COL14A1: variants seen among roughly 807,000 people sequenced by gnomAD.
The protein encoded by COL14A1 is collagen type XIV alpha 1 chain, also known as collagen alpha-1(XIV) chain.
A neutral mutation model predicts 230.3 loss-of-function variants in COL14A1; 136 were observed. The observed-to-expected ratio is 0.59, with a 90% CI of 0.51 to 0.68. The LOEUF (loss-of-function observed/expected upper bound fraction) is 0.68. COL14A1 is among the 30% of genes least tolerant of loss of function. COL14A1 has a pLI of 0.00. For missense variants in COL14A1, 1,976 were observed against 2,215.8 expected (o/e 0.89, Z 2.17); for synonymous variants, 792 against 784.1 (o/e 1.01, Z -0.17).
chr8:120,325,791 C>T (rs759050293), intron 40 of COL14A1, among the ~76,000 whole-genome samples: 2 of 152,140 alleles, frequency 1.3e-5, no homozygotes, highest in Non-Finnish European at 2.9e-5. Context: ...CTGCACCTGG[C>T]CACATGTTCT....
intron 13 of COL14A1, 28 bp from the exon 14 acceptor site, chr8:120,216,323 A>G (rs980417013): frequency 6.3e-7 from 1 of 1,579,336 alleles, no homozygotes; most frequent in African/African-American, 1.4e-5. Flanking sequence ...TGACATTTTA[A>G]TTATTTTCTA....
At chr8:120,305,435 G>T (rs1208488467) in intron 36 of COL14A1, among the ~76,000 whole-genome samples, 1 of 152,084 alleles carries the variant, frequency 6.6e-6, no homozygotes, top group Non-Finnish European at 1.5e-5. Context: ...TATGACCAAA[G>T]AAATAGCAAA....
Position 120,209,868 on chromosome 8 carries a change from T to G in COL14A1, c.1434T>G (p.Pro478=). 3 of 1,611,952 alleles carry G rather than the reference T, an allele frequency of 1.9e-6. No individual in the cohort carries two copies. Among genetic ancestry groups the G allele is most frequent in the Non-Finnish European group, 2.5e-6 (3 of 1,179,100 alleles). The change falls in exon 12 of 48, where the codon CCT becomes CCG. Residue 478 remains proline, a synonymous_variant. Transcript: ENST00000297848. The part of the protein sequence containing the change: ...GASGYLILYA[P]LTEGLAGDEK... Reference sequence around the variant, plus strand: ...CAGGTTACCTGATCCTTTATGCTCCTCTAACAGAGGGCCTGGCTGGGGATG... The same window carrying G: ...CAGGTTACCTGATCCTTTATGCTCCGCTAACAGAGGGCCTGGCTGGGGATG...
intron 42 of COL14A1, among the ~76,000 whole-genome samples, chr8:120,340,419 T>A (rs1167072724): frequency 6.6e-6 from 1 of 152,182 alleles, no homozygotes; most frequent in Non-Finnish European, 1.5e-5. Context: ...GGTCACTGAC[T>A]ACAGATTTTG....
At chr8:120,212,189 T>C (rs867341972) in intron 12 of COL14A1, among the ~76,000 whole-genome samples, 1 of 152,152 alleles carries the variant, frequency 6.6e-6, no homozygotes. Flanking sequence ...CTGGCTGGAG[T>C]TGCCATTTGT....
chr8:120,302,270 TTGTGATTGCTTTTGA>T (rs1399356248), intron 36 of COL14A1, among the ~76,000 whole-genome samples: 1 of 152,236 alleles, frequency 6.6e-6, no homozygotes, highest in African/African-American at 2.4e-5. Context: ...TTTGCTTTTG[TTGTGATTGCTTTTGA>T]TGTCTTCTTT....
chr8:120,263,169 C>A (rs145147024), intron 24 of COL14A1, among the ~76,000 whole-genome samples, 155 bp downstream of exon 24: 30 of 152,266 alleles, frequency 2.0e-4, no homozygotes, highest in African/African-American at 6.3e-4. Context: ...CCCCAGAATT[C>A]ATTGCATATG....
intron 12 of COL14A1, 122 bp downstream of exon 12, chr8:120,210,023 AAC>A (rs1817574571): frequency 1.3e-6 from 1 of 761,112 alleles, no homozygotes; most frequent in Non-Finnish European, 1.8e-6. Context: ...AAGAAAAAAA[AAC>A]ACTTATAATC....
At chr8:120,164,284 GA>G (rs1586729608) in intron 4 of COL14A1, among the ~76,000 whole-genome samples, 1 of 152,176 alleles carries the variant, frequency 6.6e-6, no homozygotes, top group East Asian at 1.9e-4. Flanking sequence ...ATTTCAAGTA[GA>G]TTTTTTTCTA....
Position 120,315,651 on chromosome 8 carries a change from G to A in COL14A1, c.4605+65G>A, listed in dbSNP as rs1447277204. On this transcript the variant is annotated intron_variant, in intron 39 of 47. Transcript: ENST00000297848. ...CAACTTTGCCAAGGGGGAAAAAAAA[G>A]CTGTAGCTTCTGAAGTCAGTTGTGA... The A allele has an allele frequency of 6.0e-6, 8 of 1,324,416 alleles. No homozygotes were observed. The African/African-American group carries it at 1.0e-4, about 17-fold the overall frequency. 82.0% of individuals were successfully genotyped at this position (1,324,416 alleles called of 1,614,324 possible).
Position 120,218,936 on chromosome 8 carries a change from A to G in COL14A1, c.1737+2446A>G, listed in dbSNP as rs141548352. 3.2e-3 allele frequency among the ~76,000 whole-genome samples: 482 copies of G among 152,224 alleles called. 7 individuals are homozygous for G. Among genetic ancestry groups the G allele is most frequent in the African/African-American group, 0.011 (438 of 41,558 alleles). On this transcript the variant is annotated intron_variant, in intron 14 of 47. Coordinates refer to ENST00000297848, the MANE Select transcript of COL14A1 (RefSeq NM_021110.4). The stretch of plus-strand genomic sequence containing the variant: ...ATTGAACAACGAAAGTAACATGACT[A>G]TATTCCCCAATAAATATTTGTTCAT...
At chr8:120,187,273 T>C (rs572305312) in intron 5 of COL14A1, among the ~76,000 whole-genome samples, 31 of 152,372 alleles carry the variant, frequency 2.0e-4, no homozygotes, top group African/African-American at 6.0e-4. Context: ...TTTCATACTA[T>C]TGCCATTACA....
chr8:120,351,066 A>G (rs928550038), intron 45 of COL14A1, among the ~76,000 whole-genome samples: 11 of 144,320 alleles, frequency 7.6e-5, no homozygotes, highest in Non-Finnish European at 1.2e-4. Context: ...TCAAACTAGA[A>G]CTCAGGATTA....
chr8:120,370,472 G>C, intron 47 of COL14A1: 1 of 1,536,808 alleles, frequency 6.5e-7, no homozygotes, highest in Non-Finnish European at 8.7e-7. Context: ...CCCTAACAAT[G>C]GACACTCTGC....
At chr8:120,176,821 C>T (rs1816297318) in intron 5 of COL14A1, among the ~76,000 whole-genome samples, 1 of 152,170 alleles carries the variant, frequency 6.6e-6, no homozygotes, top group Non-Finnish European at 1.5e-5. Context: ...GCTTCTTCCT[C>T]TTCTTCTTTC....
At chr8:120,336,630 C>A (rs554116350) in intron 42 of COL14A1, among the ~76,000 whole-genome samples, 1 of 152,126 alleles carries the variant, frequency 6.6e-6, no homozygotes, top group South Asian at 2.1e-4. Context: ...CTCTTCCCTA[C>A]CCCTGGAGGA....
At chr8:120,264,854 A>G (rs994172358) in intron 24 of COL14A1, among the ~76,000 whole-genome samples, 5 of 151,902 alleles carry the variant, frequency 3.3e-5, no homozygotes, top group African/African-American at 1.2e-4. Flanking sequence ...TGCTCACCTG[A>G]CCCCTAGAAA....
chr8:120,326,558 A>G (rs1315775028), intron 40 of COL14A1, among the ~76,000 whole-genome samples: 2 of 152,230 alleles, frequency 1.3e-5, no homozygotes, highest in Admixed American at 6.5e-5. Flanking sequence ...ATTTTATGAG[A>G]TGGAAAATGT....
At chr8:120,217,784 C>G (rs2130781328) in intron 14 of COL14A1, among the ~76,000 whole-genome samples, 1 of 151,744 alleles carries the variant, frequency 6.6e-6, no homozygotes, top group African/African-American at 2.4e-5. Context: ...GTCTCTTTGT[C>G]ACCAGAAATA....
Sources: gnomAD v4.1 joint callset for allele counts (sites outside exome capture counted in the v4.1 genomes callset) on GRCh38, gnomAD v4.1.1 for gene constraint, MANE v1.5 for transcripts, NCBI Gene and HGNC (gene_info 2026-07-23, HGNC 2026-07-21) for gene names.